Variants in UMAD1 observed in about 807,000 individuals in gnomAD.
UMAD1 encodes the protein UBAP1-MVB12-associated (UMA) domain containing 1.
UMAD1 carries 8 observed loss-of-function variants against 6.1 expected under a neutral mutation model. That is an observed-to-expected ratio of 1.30 (90% CI 0.76 to 2.35). UMAD1 has a LOEUF of 2.35. Among genes scored for constraint, UMAD1 ranks in the 30% most tolerant of loss-of-function variants. The probability of loss-of-function intolerance (pLI) is 0.00; values close to 1 mark genes in which losing one functional copy is unlikely to be tolerated. For synonymous variants in UMAD1, 56 were observed against 31.4 expected, an observed-to-expected ratio of 1.78 and a Z score of -2.61; for missense variants, 130 against 78.4, an observed-to-expected ratio of 1.66 and a Z score of -2.49.
chr7:7,777,516 A>AAG (rs1554327154), intron 2 of UMAD1, among the ~76,000 whole-genome samples: 4 of 116,802 alleles, frequency 3.4e-5, no homozygotes, highest in Admixed American at 8.1e-5. Context: ...AAAAAAAAAA[A>AAG]AAAAAAAGAA....
At chr7:7,662,931 A>G (rs1397586647) in intron 1 of UMAD1, among the ~76,000 whole-genome samples, 1 of 152,240 alleles carries the variant, frequency 6.6e-6, no homozygotes, top group Non-Finnish European at 1.5e-5. Context: ...TATAATTTTC[A>G]ATGGAAAGTT....
intron 2 of UMAD1, among the ~76,000 whole-genome samples, chr7:7,677,349 C>G (rs992006445): frequency 6.6e-6 from 1 of 152,086 alleles, no homozygotes; most frequent in African/African-American, 2.4e-5. Flanking sequence ...CTTATTCCTT[C>G]TATCTAACTG....
rs142257324 is a variant in UMAD1 at position 7,877,675 on chromosome 7, A to T, written c.*137A>T. 807 of 599,516 alleles carry T rather than the reference A, an allele frequency of 1.3e-3. 1 individual carries two copies. Among genetic ancestry groups the T allele is most frequent in the African/African-American group, 0.011 (609 of 54,102 alleles). The allele number at this position is 599,516 out of a possible 1,614,324, so 37.1% of individuals were successfully genotyped here. On this transcript the variant is annotated 3_prime_UTR_variant, in exon 4 of 4. Coordinates refer to ENST00000682710, the MANE Select transcript of UMAD1 (RefSeq NM_001302348.2). ...AAGCAAAGAAAATAGCATTATGTTC[A>T]CTACTCTATTTTTAAGAAAAAGGTA...
At chr7:7,845,402 C>T (rs1411638054) in intron 3 of UMAD1, among the ~76,000 whole-genome samples, 2 of 151,988 alleles carry the variant, frequency 1.3e-5, no homozygotes, top group African/African-American at 4.8e-5. Context: ...CTTCAGGAAA[C>T]CTCATAGAAT....
intron 2 of UMAD1, among the ~76,000 whole-genome samples, chr7:7,708,902 G>C (rs1482393235): frequency 1.3e-5 from 2 of 151,746 alleles, no homozygotes; most frequent in Non-Finnish European, 2.9e-5. Context: ...TAACCAGCAA[G>C]GGGTGTGTGT....
chr7:7,667,072 G>A (rs1037149601), intron 1 of UMAD1, among the ~76,000 whole-genome samples: 3 of 152,208 alleles, frequency 2.0e-5, no homozygotes, highest in Non-Finnish European at 2.9e-5. Flanking sequence ...GCCCCGCAAA[G>A]TGCTGGGATT....
At chr7:7,767,026 T>C (rs1156296071) in intron 2 of UMAD1, among the ~76,000 whole-genome samples, 1 of 152,138 alleles carries the variant, frequency 6.6e-6, no homozygotes, top group African/African-American at 2.4e-5. Flanking sequence ...AGTTCTGTCT[T>C]TTAAGGTCCT....
intron 2 of UMAD1, among the ~76,000 whole-genome samples, chr7:7,775,425 G>A (rs571059517): frequency 1.3e-5 from 2 of 152,242 alleles, no homozygotes; most frequent in African/African-American, 2.4e-5. Flanking sequence ...GGTTTTATAA[G>A]TGTCTGGCAT....
intron 1 of UMAD1, among the ~76,000 whole-genome samples, chr7:7,654,189 A>G (rs909277707): frequency 2.0e-5 from 3 of 152,238 alleles, no homozygotes; most frequent in African/African-American, 7.2e-5. Flanking sequence ...CAACAAAACC[A>G]AAACCTTCCC....
At chr7:7,833,619 A>G (rs1283177765) in intron 3 of UMAD1, among the ~76,000 whole-genome samples, 1 of 152,188 alleles carries the variant, frequency 6.6e-6, no homozygotes, top group Non-Finnish European at 1.5e-5. Context: ...AACTCTTGGT[A>G]ATTACCATAC....
chr7:7,816,536 G>A (rs1291736428), intron 3 of UMAD1, among the ~76,000 whole-genome samples: 1 of 152,172 alleles, frequency 6.6e-6, no homozygotes, highest in Non-Finnish European at 1.5e-5. Flanking sequence ...TGGGATATAT[G>A]CCACCAGTGT....
chr7:7,726,696 C>T (rs929350883), intron 2 of UMAD1, among the ~76,000 whole-genome samples: 1 of 152,120 alleles, frequency 6.6e-6, no homozygotes, highest in African/African-American at 2.4e-5. Flanking sequence ...CTGTTAGTTC[C>T]AGATAGAGAT....
At chr7:7,776,116 A>G (rs929152348) in intron 2 of UMAD1, among the ~76,000 whole-genome samples, 8 of 152,216 alleles carry the variant, frequency 5.3e-5, no homozygotes, top group African/African-American at 1.9e-4. Context: ...GGTGAGTTTT[A>G]TAGTATGTAA....
At chr7:7,757,172 G>A (rs1426521753) in intron 2 of UMAD1, among the ~76,000 whole-genome samples, 1 of 152,252 alleles carries the variant, frequency 6.6e-6, no homozygotes, top group South Asian at 2.1e-4. Context: ...ATTATATTAT[G>A]TATTCAAGGT....
intron 2 of UMAD1, among the ~76,000 whole-genome samples, chr7:7,738,090 GTA>G (rs2115201313): frequency 1.3e-5 from 2 of 151,688 alleles, no homozygotes; most frequent in African/African-American, 4.9e-5. Context: ...ACATAAACGG[GTA>G]TATTTTTTTT....
At chr7:7,695,321 C>T (rs28912706) in intron 2 of UMAD1, among the ~76,000 whole-genome samples, 1 of 152,182 alleles carries the variant, frequency 6.6e-6, no homozygotes, top group East Asian at 1.9e-4. Context: ...CAAGCCCAGC[C>T]AACTTTAAGA....
chr7:7,818,272 AG>A (rs964790222), intron 3 of UMAD1, among the ~76,000 whole-genome samples: 74 of 152,260 alleles, frequency 4.9e-4, no homozygotes, highest in African/African-American at 1.6e-3. Flanking sequence ...CTAAGGATAA[AG>A]GCCTCCAGCT....
At position 7,748,386 on chromosome 7, in the gene UMAD1, A is replaced by T. The variant is rs931213635; in HGVS notation, c.83-53284A>T. Among the ~76,000 whole-genome samples, 20 of 152,304 alleles carry T rather than the reference A, an allele frequency of 1.3e-4. 1 individual carries two copies. The highest frequency in any genetic ancestry group is 4.8e-4 in the African/African-American group (20 of 41,566). On this transcript the variant is annotated intron_variant, in intron 2 of 3. Coordinates refer to ENST00000682710, the MANE Select transcript of UMAD1 (RefSeq NM_001302348.2). ...TAACATATGAATTCAATATGCATTT[A>T]TAAAATAAAGATTTCTAGACATATG...
intron 2 of UMAD1, among the ~76,000 whole-genome samples, chr7:7,680,549 A>T (rs1170069968): frequency 6.6e-6 from 1 of 152,080 alleles, no homozygotes; most frequent in East Asian, 1.9e-4. Flanking sequence ...TATAAATGTT[A>T]GGATTATTTT....
Sources: allele counts gnomAD v4.1 joint callset (sites outside exome capture counted in the v4.1 genomes callset), GRCh38; gene constraint gnomAD v4.1.1; transcripts MANE v1.5; gene names NCBI Gene and HGNC (gene_info 2026-07-23, HGNC 2026-07-21).